PDE11A: variants seen among roughly 807,000 people sequenced by gnomAD.
PDE11A encodes phosphodiesterase 11A.
Under a neutral mutation model 100.5 loss-of-function variants are expected in PDE11A, and 100 were observed. The observed-to-expected ratio is 1.00, with a 90% CI of 0.85 to 1.18. The LOEUF (loss-of-function observed/expected upper bound fraction) is 1.18, where lower values mean the gene tolerates loss of function less well. Among genes scored for constraint, PDE11A ranks in the 50% most tolerant of loss-of-function variants. PDE11A has a pLI of 0.00. For missense variants in PDE11A, 1,141 were observed against 1,152.6 expected, an observed-to-expected ratio of 0.99 and a Z score of 0.15; for synonymous variants, 381 against 420.8, an observed-to-expected ratio of 0.91 and a Z score of 1.16.
At chr2:178,047,400 T>C (rs781314529) in intron 1 of PDE11A, among the ~76,000 whole-genome samples, 1 of 151,188 alleles carries the variant, frequency 6.6e-6, no homozygotes, top group Non-Finnish European at 1.5e-5. Context: ...GAGGCGGAGG[T>C]TGCAGTGAGC....
intron 6 of PDE11A, among the ~76,000 whole-genome samples, chr2:177,823,921 C>T (rs184580808): frequency 3.2e-4 from 49 of 152,142 alleles, no homozygotes; most frequent in South Asian, 4.1e-4. Flanking sequence ...ACGTTTCCTA[C>T]GAAATCTGGG....
chr2:177,786,505 T>C (rs1217298072), intron 9 of PDE11A, among the ~76,000 whole-genome samples: 1 of 152,116 alleles, frequency 6.6e-6, no homozygotes, highest in Non-Finnish European at 1.5e-5. Flanking sequence ...AGGAACGCAG[T>C]TCCTCACCAG....
At chr2:177,935,222 T>C (rs1431286499) in intron 2 of PDE11A, among the ~76,000 whole-genome samples, 9 of 152,238 alleles carry the variant, frequency 5.9e-5, no homozygotes, top group African/African-American at 2.2e-4. Context: ...TTAGTCTTTT[T>C]GAATTATGTA....
chr2:177,840,193 T>A (rs976395938), intron 6 of PDE11A, 58 bp downstream of exon 6: 1 of 1,568,232 alleles, frequency 6.4e-7, no homozygotes, highest in African/African-American at 1.4e-5. Context: ...GTGTTTCAAC[T>A]GTTTTCAACA....
At chr2:177,882,749 G>T (rs2105706306) in intron 4 of PDE11A, among the ~76,000 whole-genome samples, 1 of 152,202 alleles carries the variant, frequency 6.6e-6, no homozygotes, top group South Asian at 2.1e-4. Flanking sequence ...CTTTGGAAAA[G>T]CTCCATGGAC....
intron 2 of PDE11A, among the ~76,000 whole-genome samples, chr2:177,938,836 T>C (rs1468620239): frequency 1.3e-5 from 2 of 152,196 alleles, no homozygotes; most frequent in Admixed American, 6.5e-5. Context: ...AAAGTGGTAA[T>C]TAACATAAAA....
intron 9 of PDE11A, among the ~76,000 whole-genome samples, chr2:177,799,509 G>A (rs1010371675): frequency 1.3e-5 from 2 of 152,092 alleles, no homozygotes; most frequent in Admixed American, 6.6e-5. Flanking sequence ...CTCCATGTAA[G>A]TTCTCCCACT....
rs186233165 is a variant in PDE11A at position 177,751,390 on chromosome 2, C to T, written c.1788+17933G>A. The stretch of plus-strand genomic sequence containing the variant: ...CCAACTTTATGTAAATGACTAATAG[C>T]GCTTCCTCACAAAAAATGATGAGAA... On this transcript the variant is annotated intron_variant, in intron 10 of 19. Transcript: ENST00000286063. Among the ~76,000 whole-genome samples the T allele has an allele frequency of 1.7e-3, 258 of 152,288 alleles. 1 individual carries two copies. The highest frequency in any genetic ancestry group is 5.9e-3 in the African/African-American group (246 of 41,558).
intron 5 of PDE11A, among the ~76,000 whole-genome samples, chr2:177,857,412 G>A (rs2083859686): frequency 1.3e-5 from 2 of 151,978 alleles, no homozygotes; most frequent in Admixed American, 1.3e-4. Context: ...TAGTATAAAT[G>A]TATGTTTGTA....
At chr2:177,763,789 C>A (rs1257815692) in intron 10 of PDE11A, among the ~76,000 whole-genome samples, 1 of 152,178 alleles carries the variant, frequency 6.6e-6, no homozygotes, top group Non-Finnish European at 1.5e-5. Context: ...TCCAGGGCTT[C>A]GGAAATTGAT....
intron 2 of PDE11A, among the ~76,000 whole-genome samples, chr2:177,947,465 G>A (rs369172399): frequency 6.6e-6 from 1 of 152,196 alleles, no homozygotes; most frequent in Admixed American, 6.5e-5. Context: ...CTGTGACCTT[G>A]CCCCCAACCC....
intron 1 of PDE11A, among the ~76,000 whole-genome samples, chr2:178,058,631 C>T (rs1821629): frequency 0.33 from 49,596 of 152,014 alleles, 8,161 homozygotes; most frequent in African/African-American, 0.37. Context: ...CATTTCCTTT[C>T]CCTCATTTAT....
intron 2 of PDE11A, among the ~76,000 whole-genome samples, chr2:178,006,624 TTG>T (rs1463439353): frequency 6.6e-6 from 1 of 152,182 alleles, no homozygotes; most frequent in Non-Finnish European, 1.5e-5. Flanking sequence ...TAAATCTTGG[TTG>T]TTGTTGTTTT....
At chr2:177,690,689 T>C (rs7583817) in intron 15 of PDE11A, among the ~76,000 whole-genome samples, 14,632 of 152,228 alleles carry the variant, frequency 0.096, 2,323 homozygotes, top group African/African-American at 0.33. Flanking sequence ...TTTTCCATAA[T>C]TGCTGATGAG....
chr2:177,819,809 G>C (rs1165916904), intron 7 of PDE11A, among the ~76,000 whole-genome samples: 2 of 151,200 alleles, frequency 1.3e-5, no homozygotes, highest in Admixed American at 6.6e-5. Context: ...TTTTGTTCCT[G>C]ACCTTGCTAT....
intron 2 of PDE11A, among the ~76,000 whole-genome samples, chr2:177,914,607 T>C (rs887928545): frequency 9.2e-5 from 14 of 152,158 alleles, no homozygotes; most frequent in African/African-American, 2.7e-4. Flanking sequence ...ATCATTATGA[T>C]TCCCCACTTA....
At chr2:177,987,562 C>T (rs964468267) in intron 2 of PDE11A, among the ~76,000 whole-genome samples, 1 of 152,182 alleles carries the variant, frequency 6.6e-6, no homozygotes, top group Non-Finnish European at 1.5e-5. Context: ...TCCACACTTT[C>T]ATATCCCTGC....
chr2:178,038,057 G>C (rs992584304), intron 1 of PDE11A, among the ~76,000 whole-genome samples: 5 of 151,636 alleles, frequency 3.3e-5, no homozygotes, highest in Non-Finnish European at 7.4e-5. Context: ...AATTGCTAAG[G>C]GTTATAGATT....
chr2:177,911,871 G>T (rs1025491627), intron 2 of PDE11A, among the ~76,000 whole-genome samples: 2 of 150,350 alleles, frequency 1.3e-5, no homozygotes, highest in Non-Finnish European at 2.9e-5. Flanking sequence ...GTGAAAGAGT[G>T]AGACTCCATC....
Sources: gnomAD v4.1 joint callset for allele counts (sites outside exome capture counted in the v4.1 genomes callset) on GRCh38, gnomAD v4.1.1 for gene constraint, MANE v1.5 for transcripts, NCBI Gene and HGNC (gene_info 2026-07-23, HGNC 2026-07-21) for gene names.